MAPK6: variants seen among roughly 807,000 people sequenced by gnomAD.
MAPK6 encodes the protein mitogen-activated protein kinase 6.
In MAPK6, 19 loss-of-function variants were observed where a neutral mutation model predicts 59.3. The ratio of observed to expected loss-of-function variants is 0.32; its 90% CI spans 0.22 to 0.47. The LOEUF (loss-of-function observed/expected upper bound fraction) is 0.47. MAPK6 is among the 20% of genes least tolerant of loss of function. MAPK6 has a pLI of 1.00. For missense variants in MAPK6, 724 were observed against 847.9 expected, an observed-to-expected ratio of 0.85 and a Z score of 1.81; for synonymous variants, 316 against 290.3, an observed-to-expected ratio of 1.09 and a Z score of -0.90.
At chr15:51,973,362 T>C (rs1160154177) in intron 1 of MAPK6, among the ~76,000 whole-genome samples, 1 of 152,008 alleles carries the variant, frequency 6.6e-6, no homozygotes, top group African/African-American at 2.4e-5. Flanking sequence ...TTATTTTCTT[T>C]TGATACAGTG....
intron 2 of MAPK6, chr15:52,004,057 TCCTCCCCACGA>T (rs997248834): frequency 6.6e-6 from 1 of 152,144 alleles, no homozygotes; most frequent in Non-Finnish European, 1.5e-5. Flanking sequence ...TTTGTTCCTT[TCCTCCCCACGA>T]CCATCATGAA....
chr15:52,054,037 G>A (rs1364889382), intron 3 of MAPK6, among the ~76,000 whole-genome samples: 1 of 151,898 alleles, frequency 6.6e-6, no homozygotes, highest in Non-Finnish European at 1.5e-5. Context: ...CAAGGTCATG[G>A]ATGTTTTCTC....
intron 5 of MAPK6, among the ~76,000 whole-genome samples, chr15:52,062,637 C>T (rs185448610): frequency 0.014 from 2,144 of 152,130 alleles, 30 homozygotes; most frequent in Middle Eastern, 0.02. Flanking sequence ...TGATGGCGGG[C>T]TCTTGTAGTC....
At chr15:52,053,999 G>A (rs1368903428) in intron 3 of MAPK6, among the ~76,000 whole-genome samples, 2 of 152,004 alleles carry the variant, frequency 1.3e-5, no homozygotes, top group African/African-American at 4.8e-5. Context: ...TGTTTTTGGT[G>A]TCATGTCTGA....
At chr15:52,055,309 A>C (rs2031934085) in intron 3 of MAPK6, among the ~76,000 whole-genome samples, 1 of 152,218 alleles carries the variant, frequency 6.6e-6, no homozygotes, top group Admixed American at 6.5e-5. Context: ...CAAGGGGCTC[A>C]GGTGGGAGGA....
At chr15:52,041,259 C>T (rs1412323232) in intron 1 of MAPK6, among the ~76,000 whole-genome samples, 2 of 152,154 alleles carry the variant, frequency 1.3e-5, no homozygotes. Context: ...TGCAATGGCG[C>T]GATCTCGGCT....
intron 3 of MAPK6, chr15:52,011,386 A>G (rs1454404927): frequency 2.0e-5 from 3 of 152,170 alleles, no homozygotes; most frequent in African/African-American, 7.2e-5. Context: ...TCCGTTGGTG[A>G]TTTTGCTGTT....
At position 52,067,171 on chromosome 15, in the gene MAPK6, A is replaced by AT; in HGVS notation, c.*2173dup. On this transcript the variant is annotated 3_prime_UTR_variant, in exon 6 of 6. Transcript: ENST00000261845. ...AACTTGGCTCCTGGACTTAATCCAC[A>AT]TTCGTTAAACTGTCACCTTGGCAGT... is the stretch of plus-strand genomic sequence containing the variant. 6.6e-6 allele frequency: 1 copy of AT among 152,284 alleles called. No homozygotes were observed. Among genetic ancestry groups the AT allele is most frequent in the South Asian group, 2.1e-4 (1 of 4,828 alleles). The allele number at this position is 152,284 out of a possible 1,614,324, so 9.4% of individuals were successfully genotyped here. A position where few individuals can be genotyped will look rare whatever the true frequency, so the allele number is the denominator to read the frequency against.
intron 2 of MAPK6, among the ~76,000 whole-genome samples, chr15:51,997,485 T>G (rs1036834473): frequency 2.0e-5 from 3 of 151,970 alleles, no homozygotes; most frequent in African/African-American, 7.3e-5. Flanking sequence ...CTCGAATTCC[T>G]GACCTCAAGT....
Position 52,061,439 on chromosome 15 carries a change from G to A in MAPK6, c.1006G>A (p.Asp336Asn). Reference protein sequence around the residue: ...PISSHPFHIEDEVDDILLMDE... With the variant: ...PISSHPFHIENEVDDILLMDE... ...TTCAAGCCATCCTTTTCATATTGAA[G>A]ATGAAGTTGATGATATTTTGCTTAT... The change falls in exon 5 of 6, where the codon GAT (aspartate) becomes AAT (asparagine). Residue 336 changes from aspartate (D) to asparagine (N), a missense_variant. By Grantham distance (23) the Asp-to-Asn change is conservative. This residue lies in a region of MAPK6 where 502 missense variants were observed against 507.6 expected (regional missense o/e 0.99). Coordinates refer to ENST00000261845, the MANE Select transcript of MAPK6 (RefSeq NM_002748.4). The A allele has an allele frequency of 6.2e-7, 1 of 1,613,858 alleles. No individual in the cohort carries two copies. The highest frequency in any genetic ancestry group is 8.5e-7 in the Non-Finnish European group (1 of 1,179,766).
chr15:52,012,581 A>G (rs888313069), intron 3 of MAPK6, among the ~76,000 whole-genome samples: 3 of 152,188 alleles, frequency 2.0e-5, no homozygotes, highest in African/African-American at 7.2e-5. Flanking sequence ...TCTTTTTAAA[A>G]AGATTCTTTG....
intron 4 of MAPK6, among the ~76,000 whole-genome samples, chr15:52,059,774 T>G (rs2032125993): frequency 6.6e-6 from 1 of 152,244 alleles, no homozygotes; most frequent in Non-Finnish European, 1.5e-5. Flanking sequence ...GTGGCAGCAC[T>G]GTGCTTGCAA....
At chr15:52,018,562 G>C (rs1853643370), upstream of MAPK6, 1 of 152,218 alleles carries the variant, frequency 6.6e-6, no homozygotes, top group African/African-American at 2.4e-5. Flanking sequence ...AGCCAAGTGG[G>C]CCCAAGAAGG....
intron 3 of MAPK6, among the ~76,000 whole-genome samples, chr15:52,054,400 TAC>T (rs1482461681): frequency 1.3e-5 from 2 of 152,110 alleles, no homozygotes; most frequent in Non-Finnish European, 2.9e-5. Context: ...GATTAACTTT[TAC>T]ACATTCTTTT....
intron 5 of MAPK6, among the ~76,000 whole-genome samples, chr15:52,062,024 TATATC>T (rs149055874): frequency 0.016 from 2,415 of 152,078 alleles, 28 homozygotes; most frequent in African/African-American, 0.032. Flanking sequence ...CAGTGGTAGT[TATATC>T]TTAACATAAA....
At chr15:52,001,344 C>G (rs2057241332) in intron 2 of MAPK6, among the ~76,000 whole-genome samples, 1 of 152,048 alleles carries the variant, frequency 6.6e-6, no homozygotes, top group Admixed American at 6.6e-5. Flanking sequence ...AGCACACAAG[C>G]AAATTAAGAC....
At chr15:52,034,344 C>T (rs1431205423) in intron 1 of MAPK6, among the ~76,000 whole-genome samples, 1 of 151,390 alleles carries the variant, frequency 6.6e-6, no homozygotes, top group Admixed American at 6.6e-5. Flanking sequence ...GAGACAGTCT[C>T]GCTCTGTTAC....
intron 1 of MAPK6, among the ~76,000 whole-genome samples, chr15:52,030,075 C>A (rs889570305): frequency 2.0e-5 from 3 of 152,150 alleles, no homozygotes; most frequent in Non-Finnish European, 4.4e-5. Flanking sequence ...GCTACACTGG[C>A]ATTTCTTTTG....
chr15:52,032,960 C>G (rs560293408), intron 1 of MAPK6, among the ~76,000 whole-genome samples: 1 of 152,290 alleles, frequency 6.6e-6, no homozygotes, highest in South Asian at 2.1e-4. Context: ...GCTGGGGTTA[C>G]AGGCGTGAGC....
Sources: gnomAD v4.1 joint callset for allele counts (sites outside exome capture counted in the v4.1 genomes callset) on GRCh38, gnomAD v4.1.1 for gene constraint, gnomAD v4.1.1 regional missense constraint, MANE v1.5 for transcripts, NCBI Gene and HGNC (gene_info 2026-07-23, HGNC 2026-07-21) for gene names.